The following SCAMP5 variants were observed in gnomAD, a reference collection of about 807,000 sequenced individuals.
SCAMP5 encodes secretory carrier-associated membrane protein 5.
A neutral mutation model predicts 28.3 loss-of-function variants in SCAMP5; 7 were observed. The observed-to-expected ratio is 0.25, with a 90% CI of 0.14 to 0.46. SCAMP5 has a LOEUF of 0.46. Among genes scored for constraint, SCAMP5 ranks in the 20% least tolerant of loss-of-function variants. The probability of loss-of-function intolerance (pLI) is 0.99; values close to 1 mark genes in which losing one functional copy is unlikely to be tolerated. For synonymous variants in SCAMP5, 117 were observed against 116.4 expected, an observed-to-expected ratio of 1.00 and a Z score of -0.03; for missense variants, 192 against 312.5, an observed-to-expected ratio of 0.61 and a Z score of 2.91.
At chr15:75,016,560 TC>T in intron 3 of SCAMP5, 32 bp from the exon 4 acceptor site, 1 of 1,598,580 alleles carries the variant, frequency 6.3e-7, no homozygotes, top group Non-Finnish European at 8.5e-7. Context: ...TGGGTGTCTG[TC>T]TCTATGTGTG....
rs964783979 is a variant in SCAMP5 at position 75,016,682 on chromosome 15, C to A, written c.226C>A (p.Leu76Ile). The change falls in exon 4 of 7, where the codon CTC becomes ATC. Residue 76 changes from leucine (L) to isoleucine (I), a missense_variant. Physicochemically the swap from Leu to Ile is conservative, Grantham distance 5. Coordinates refer to ENST00000425597, the MANE Select transcript of SCAMP5 (RefSeq NM_138967.4). ...GGATNFGLAFLWLILFTPCSY... is the reference protein window; with the variant it reads ...GGATNFGLAFIWLILFTPCSY... The stretch of plus-strand genomic sequence containing the variant: ...AGCCACCAACTTTGGCCTCGCCTTT[C>A]TCTGGCTCATCCTCTTCACACCCTG... The A allele has an allele frequency of 3.7e-6, 6 of 1,613,840 alleles. No homozygotes were observed. In the African/African-American group the frequency reaches 8.0e-5, roughly 22 times the overall value.
intron 1 of SCAMP5, among the ~76,000 whole-genome samples, chr15:75,003,205 G>A (rs1409098004): frequency 6.6e-6 from 1 of 152,228 alleles, no homozygotes; most frequent in Admixed American, 6.5e-5. Context: ...TTACAGGCGT[G>A]AGCCATGGTG....
Position 75,005,175 on chromosome 15 carries a change from CA to C in SCAMP5, c.-48-6604del, listed in dbSNP as rs34793996. ...GGGTGACAGAGTGAGGCTCTTGTCT[CA>C]AAAAAAAAAAAATCCAAGATCCGGG... On this transcript the variant is annotated intron_variant, in intron 1 of 6. Coordinates refer to ENST00000425597, the MANE Select transcript of SCAMP5 (RefSeq NM_138967.4). Among the ~76,000 whole-genome samples the C allele has an allele frequency of 2.6e-3, 372 of 141,842 alleles. 3 individuals carry two copies. Among genetic ancestry groups the C allele is most frequent in the Non-Finnish European group, 1.2e-3 (81 of 65,572 alleles). The allele number at this position is 141,842 out of a possible 152,430, so 93.1% of individuals were successfully genotyped here. A position where few individuals can be genotyped will look rare whatever the true frequency, so the allele number is the denominator to read the frequency against.
At chr15:75,014,807 G>A (rs12900072) in intron 3 of SCAMP5, among the ~76,000 whole-genome samples, 45,898 of 152,076 alleles carry the variant, frequency 0.3, 8,963 homozygotes, top group Non-Finnish European at 0.44. Flanking sequence ...TTTGAGCAAG[G>A]GAGCTGGGGC....
chr15:75,006,059 G>A (rs143600437), intron 1 of SCAMP5, among the ~76,000 whole-genome samples: 5 of 141,894 alleles, frequency 3.5e-5, no homozygotes, highest in Admixed American at 7.4e-5. Flanking sequence ...GTAGAGTGGC[G>A]TGCTCTCGGC....
At position 75,020,168 on chromosome 15, in the gene SCAMP5, G is replaced by A. The variant is rs1171557297; in HGVS notation, c.*1185G>A. On this transcript the variant is annotated 3_prime_UTR_variant, in exon 7 of 7. Coordinates refer to ENST00000425597, the MANE Select transcript of SCAMP5 (RefSeq NM_138967.4). Reference sequence around the variant, plus strand: ...GTCTGGCTGGCTCCAGCACAGTGAGGCATTTAGGTATCTCTCGGTGACCGT... The same window carrying A: ...GTCTGGCTGGCTCCAGCACAGTGAGACATTTAGGTATCTCTCGGTGACCGT... 1 of 152,472 alleles carries A rather than the reference G, an allele frequency of 6.6e-6. No individual in the cohort carries two copies. The highest frequency in any genetic ancestry group is 1.5e-5 in the Non-Finnish European group (1 of 68,258). 9.4% of individuals were successfully genotyped at this position (152,472 alleles called of 1,614,324 possible). A position where few individuals can be genotyped will look rare whatever the true frequency, so the allele number is the denominator to read the frequency against.
chr15:75,012,744 C>A lies in SCAMP5; in HGVS notation c.75C>A (p.Phe25Leu). 3 of 1,613,960 alleles carry A rather than the reference C, an allele frequency of 1.9e-6. No individual in the cohort carries two copies. Among genetic ancestry groups the A allele is most frequent in the Non-Finnish European group, 2.5e-6 (3 of 1,179,840 alleles). ...TGAAGCCATGTTTCTACCAAGACTTCGAGGCAGATATTCCTCCCCAGCATG... is the reference window on the plus strand; with the variant it reads ...TGAAGCCATGTTTCTACCAAGACTTAGAGGCAGATATTCCTCCCCAGCATG... The part of the protein sequence containing the change: ...IPLKPCFYQD[F>L]EADIPPQHVS... The change falls in exon 3 of 7, where the codon TTC becomes TTA. Residue 25 changes from phenylalanine (F) to leucine (L), a missense_variant. By Grantham distance (22) the Phe-to-Leu change is conservative. Transcript: ENST00000425597.
intron 1 of SCAMP5, among the ~76,000 whole-genome samples, chr15:75,010,263 T>C (rs1468341940): frequency 6.6e-6 from 1 of 152,100 alleles, no homozygotes; most frequent in African/African-American, 2.4e-5. Context: ...GTCTCTACCC[T>C]GTATGTCCCT....
intron 1 of SCAMP5, among the ~76,000 whole-genome samples, chr15:75,010,250 A>G (rs1364416831): frequency 6.6e-6 from 1 of 152,038 alleles, no homozygotes; most frequent in Non-Finnish European, 1.5e-5. Context: ...GGTGTCCCCC[A>G]GCGTCTCTAC....
chr15:75,016,481 G>A (rs2065860406), intron 3 of SCAMP5, 112 bp from the exon 4 acceptor site: 2 of 967,646 alleles, frequency 2.1e-6, no homozygotes, highest in African/African-American at 1.6e-5. Context: ...TGGCTTGATT[G>A]TGGGTCTCTG....
Position 75,017,963 on chromosome 15 carries a change from G to A in SCAMP5, c.387G>A (p.Trp129Ter). 1 of 1,610,808 alleles carries A rather than the reference G, an allele frequency of 6.2e-7. No homozygotes were observed. Among genetic ancestry groups the A allele is most frequent in the Non-Finnish European group, 8.5e-7 (1 of 1,177,088 alleles). The change falls in exon 5 of 7, where the codon TGG (tryptophan) becomes TGA (stop). Residue 129 changes from tryptophan (W) to a stop codon, truncating the protein, a stop_gained. Coordinates refer to ENST00000425597, the MANE Select transcript of SCAMP5 (RefSeq NM_138967.4). LOFTEE classifies it high-confidence loss of function. Reference protein sequence around the residue: ...SIIQAVGIPGWGVCGWIATIS... With the variant: ...SIIQAVGIPG ...TCCAGGCCGTGGGCATCCCAGGCTG[G>A]GGCGTCTGGTAAGAGGCAGGGGTGT...
intron 1 of SCAMP5, among the ~76,000 whole-genome samples, chr15:75,004,951 C>T (rs939172501): frequency 3.3e-5 from 5 of 152,238 alleles, no homozygotes; most frequent in Admixed American, 6.5e-5. Context: ...CGGAGTTGGG[C>T]GGATCACGAA....
chr15:75,010,172 C>T (rs138872542), intron 1 of SCAMP5, among the ~76,000 whole-genome samples: 2 of 152,270 alleles, frequency 1.3e-5, no homozygotes, highest in East Asian at 3.9e-4. Flanking sequence ...GTCAGCCAGG[C>T]CTCCTGCTGA....
At chr15:75,010,922 A>C (rs1294975430) in intron 1 of SCAMP5, among the ~76,000 whole-genome samples, 1 of 152,152 alleles carries the variant, frequency 6.6e-6, no homozygotes, top group Admixed American at 6.6e-5. Context: ...AATTTCCCTG[A>C]GGCTGGGTGC....
chr15:75,005,310 A>G, intron 1 of SCAMP5, among the ~76,000 whole-genome samples: 1 of 151,936 alleles, frequency 6.6e-6, no homozygotes, highest in Non-Finnish European at 1.5e-5. Flanking sequence ...TAAAACTACA[A>G]AATTAGCTGG....
Position 75,018,447 on chromosome 15 carries a change from G to C in SCAMP5, c.425G>C (p.Gly142Ala), listed in dbSNP as rs1287109666. Residue 142 changes from glycine (G) to alanine (A), a missense_variant, in exon 6 of 7, where the codon GGA becomes GCA. Gly to Ala is a moderately conservative substitution (Grantham distance 60). Coordinates refer to ENST00000425597, the MANE Select transcript of SCAMP5 (RefSeq NM_138967.4). The surrounding 1 kb of genome is among the most constrained non-coding windows in gnomAD (Gnocchi z 5.6). ...CGWIATISFFGTNIGSAVVML... is the reference protein window; with the variant it reads ...CGWIATISFFATNIGSAVVML... ...TGGATTGCTACCATCTCCTTCTTCG[G>C]AACGAACATTGGCTCGGCGGTGGTG... 6.2e-7 allele frequency: 1 copy of C among 1,613,684 alleles called. No individual in the cohort carries two copies. The highest frequency in any genetic ancestry group is 1.3e-5 in the African/African-American group (1 of 74,902).
At chr15:74,999,005 T>C (rs1359890296) in intron 1 of SCAMP5, among the ~76,000 whole-genome samples, 1 of 152,172 alleles carries the variant, frequency 6.6e-6, no homozygotes, top group Non-Finnish European at 1.5e-5. Context: ...GCTTCCTTGT[T>C]TTCCTGGAGG....
At chr15:75,016,826 C>A (rs2065863709) in intron 4 of SCAMP5, 77 bp downstream of exon 4, 11 of 1,208,164 alleles carry the variant, frequency 9.1e-6, no homozygotes, top group Admixed American at 2.6e-5. Context: ...TCTTTTCTCA[C>A]TTCTTTTTTT....
In SCAMP5 at chr15:75,018,745, C is replaced by G; in HGVS notation, c.514-44C>G. 6.8e-7 allele frequency: 1 copy of G among 1,472,296 alleles called. No individual in the cohort carries two copies. Among genetic ancestry groups the G allele is most frequent in the Non-Finnish European group, 9.5e-7 (1 of 1,057,696 alleles). 91.2% of individuals were successfully genotyped at this position (1,472,296 alleles called of 1,614,324 possible). On this transcript the variant is annotated intron_variant, in intron 6 of 6. Coordinates refer to ENST00000425597, the MANE Select transcript of SCAMP5 (RefSeq NM_138967.4). This position sits in a 1 kb window ranked among gnomAD's most constrained non-coding sequence, Gnocchi z 5.6. ...CCCATCTATTTCCTGGATGGGCTGC[C>G]TTTTCTCTTTGATTAACCCTTCTTT...
Sources: allele counts gnomAD v4.1 joint callset (sites outside exome capture counted in the v4.1 genomes callset), GRCh38; gene constraint gnomAD v4.1.1; non-coding constraint Gnocchi (gnomAD v3.1); transcripts MANE v1.5; gene names NCBI Gene and HGNC (gene_info 2026-07-23, HGNC 2026-07-21).